ROBO2: variants seen among roughly 807,000 people sequenced by gnomAD.
ROBO2 encodes roundabout guidance receptor 2, also known as roundabout homolog 2.
ROBO2 carries 53 observed loss-of-function variants against 160.8 expected under a neutral mutation model. The ratio of observed to expected loss-of-function variants is 0.33; its 90% CI spans 0.26 to 0.41. The LOEUF (loss-of-function observed/expected upper bound fraction) is 0.41, where lower values mean the gene tolerates loss of function less well. Ranked by LOEUF, ROBO2 falls within the 10% of genes least tolerant of loss-of-function variation. The pLI, the probability that ROBO2 is intolerant of heterozygous loss-of-function variation, is 1.00. For synonymous variants in ROBO2, 664 were observed against 611.7 expected, an observed-to-expected ratio of 1.09 and a Z score of -1.26; for missense variants, 1,577 against 1,722.4, an observed-to-expected ratio of 0.92 and a Z score of 1.49.
At chr3:76,762,202 T>C (rs1282999838) in intron 2 of ROBO2, among the ~76,000 whole-genome samples, 1 of 151,568 alleles carries the variant, frequency 6.6e-6, no homozygotes, top group Non-Finnish European at 1.5e-5. Context: ...AAACCTCTTT[T>C]AAAGCTATTT....
At chr3:77,375,707 C>A (rs1203662110) in intron 2 of ROBO2, among the ~76,000 whole-genome samples, 1 of 152,166 alleles carries the variant, frequency 6.6e-6, no homozygotes, top group East Asian at 1.9e-4. Context: ...CAACTGTTTT[C>A]TTCCTTTCAT....
intron 2 of ROBO2, among the ~76,000 whole-genome samples, chr3:76,113,899 T>G (rs2070350757): frequency 6.6e-6 from 1 of 152,094 alleles, no homozygotes; most frequent in Non-Finnish European, 1.5e-5. Flanking sequence ...GAGCTGTGTT[T>G]AGAAAAAGGC....
chr3:76,570,771 T>C (rs2084907722), intron 2 of ROBO2, among the ~76,000 whole-genome samples: 1 of 152,174 alleles, frequency 6.6e-6, no homozygotes, highest in African/African-American at 2.4e-5. Flanking sequence ...GTGAATTTTC[T>C]GCTCTTTTTA....
intron 2 of ROBO2, among the ~76,000 whole-genome samples, chr3:77,319,777 A>G (rs1176772706): frequency 3.3e-5 from 5 of 152,306 alleles, no homozygotes; most frequent in South Asian, 4.1e-4. Flanking sequence ...ACAGATTTTA[A>G]TGGATGTTGG....
intron 2 of ROBO2, among the ~76,000 whole-genome samples, chr3:77,330,682 G>A (rs2065887153): frequency 6.6e-6 from 1 of 152,092 alleles, no homozygotes; most frequent in Non-Finnish European, 1.5e-5. Flanking sequence ...TTTTGGAGTG[G>A]ACAACTCAAG....
chr3:76,985,443 G>A (rs544481474), intron 2 of ROBO2, among the ~76,000 whole-genome samples: 38 of 151,446 alleles, frequency 2.5e-4, no homozygotes, highest in African/African-American at 6.8e-4. Context: ...TTAGCCGGGC[G>A]TGGTGGCAGG....
chr3:77,257,401 G>A (rs2153322482), intron 2 of ROBO2, among the ~76,000 whole-genome samples: 1 of 152,252 alleles, frequency 6.6e-6, no homozygotes, highest in Middle Eastern at 3.4e-3. Flanking sequence ...ACTGAGATGT[G>A]GGGACCTGGC....
In ROBO2 at chr3:77,348,006, T is replaced by C. The variant is rs1348432036; in HGVS notation, c.389-129408T>C. ...TCCTAAAAACTGCTCCACCCACACT[T>C]TTCTGCTCAACTAAGCCCAGGATTT... On this transcript the variant is annotated intron_variant, in intron 2 of 25. Coordinates refer to ENST00000461745, the Ensembl canonical transcript of ROBO2. Among the ~76,000 whole-genome samples the C allele has an allele frequency of 2.0e-5, 3 of 152,230 alleles. No homozygotes were observed. In the South Asian group the frequency reaches 6.2e-4, roughly 32 times the overall value.
chr3:76,877,074 A>T (rs1008481004), intron 2 of ROBO2, among the ~76,000 whole-genome samples: 1 of 152,222 alleles, frequency 6.6e-6, no homozygotes, highest in Non-Finnish European at 1.5e-5. Flanking sequence ...AAAGAAAAAA[A>T]ATATTTTCCA....
At chr3:77,587,006 G>T (rs895093286) in intron 16 of ROBO2, among the ~76,000 whole-genome samples, 7 of 151,860 alleles carry the variant, frequency 4.6e-5, no homozygotes. Context: ...ATAAGGAAAT[G>T]CTAGCAGCTA....
chr3:76,969,455 C>T (rs890043378), intron 2 of ROBO2, among the ~76,000 whole-genome samples: 3 of 152,036 alleles, frequency 2.0e-5, no homozygotes, highest in African/African-American at 7.2e-5. Context: ...TTTATTATTT[C>T]TAGGGAATGT....
chr3:76,093,848 T>C (rs59410938), intron 2 of ROBO2, among the ~76,000 whole-genome samples: 3,130 of 152,278 alleles, frequency 0.021, 44 homozygotes, highest in East Asian at 0.081. Flanking sequence ...TTCTGTGTTA[T>C]CAACTTTTAG....
chr3:75,912,204 C>T (rs545358208), intron 1 of ROBO2, among the ~76,000 whole-genome samples: 1 of 152,158 alleles, frequency 6.6e-6, no homozygotes, highest in Non-Finnish European at 1.5e-5. Context: ...GATCACAGGA[C>T]AAAGTTTGAT....
chr3:77,286,699 A>G (rs1236799329), intron 2 of ROBO2, among the ~76,000 whole-genome samples: 2 of 152,134 alleles, frequency 1.3e-5, no homozygotes, highest in Non-Finnish European at 2.9e-5. Flanking sequence ...CATATGCTGA[A>G]ACTGTTTTCT....
chr3:77,211,679 G>T (rs1440942679), intron 2 of ROBO2, among the ~76,000 whole-genome samples: 2 of 152,246 alleles, frequency 1.3e-5, no homozygotes, highest in East Asian at 3.9e-4. Context: ...TAATGCCTAG[G>T]TTTTCTTCTA....
intron 2 of ROBO2, among the ~76,000 whole-genome samples, chr3:76,975,454 G>A (rs181451193): frequency 2.3e-4 from 35 of 152,170 alleles, no homozygotes; most frequent in Admixed American, 1.3e-3. Flanking sequence ...GCAGTGAGCC[G>A]AGATCGCGCC....
chr3:76,769,956 G>A (rs1352566451), intron 2 of ROBO2, among the ~76,000 whole-genome samples: 5 of 151,250 alleles, frequency 3.3e-5, no homozygotes, highest in Non-Finnish European at 7.4e-5. Context: ...TTCCATTCTT[G>A]AATAATTACT....
chr3:77,173,122 A>G (rs2079797608), intron 2 of ROBO2, among the ~76,000 whole-genome samples: 1 of 152,188 alleles, frequency 6.6e-6, no homozygotes, highest in African/African-American at 2.4e-5. Context: ...ATTGACCCAA[A>G]TATTTAACGA....
chr3:76,093,008 A>G (rs1341076140), intron 2 of ROBO2, among the ~76,000 whole-genome samples: 2 of 152,148 alleles, frequency 1.3e-5, no homozygotes, highest in Admixed American at 6.5e-5. Context: ...TAGAAAACTT[A>G]TTCTCCCTTT....
Sources: allele counts gnomAD v4.1 joint callset (sites outside exome capture counted in the v4.1 genomes callset), GRCh38; gene constraint gnomAD v4.1.1; transcripts MANE v1.5; gene names NCBI Gene and HGNC (gene_info 2026-07-23, HGNC 2026-07-21).